The following CNOT10 variants were observed in gnomAD, a reference collection of about 807,000 sequenced individuals.
The protein encoded by CNOT10 is CCR4-NOT transcription complex, subunit 10.
In CNOT10, 30 loss-of-function variants were observed where a neutral mutation model predicts 94.6. The ratio of observed to expected loss-of-function variants is 0.32; its 90% CI spans 0.24 to 0.43. The LOEUF is 0.43. Ranked by LOEUF, CNOT10 falls within the 20% of genes least tolerant of loss-of-function variation. The pLI is 1.00. For missense variants in CNOT10, 759 were observed against 877.2 expected (o/e 0.87, Z 1.70); for synonymous variants, 289 against 301.6 (o/e 0.96, Z 0.43).
chr3:32,710,147 C>CAAAAAAAAAAAAAAAAAAAAAAAAAAA (rs68126514), intron 4 of CNOT10, among the ~76,000 whole-genome samples: 1 of 70,660 alleles, frequency 1.4e-5, no homozygotes, highest in Admixed American at 1.7e-4. Flanking sequence ...AACTTGCTCT[C>CAAAAAAAAAAAAAAAAAAAAAAAAAAA]AAAAAAAAAA....
Position 32,759,534 on chromosome 3 carries a change from A to G in CNOT10, c.1672A>G (p.Lys558Glu), listed in dbSNP as rs774930422. ...CCTCATGGCTTTGAATCATGCAGAT[A>G]AACTTCTTCAGCAGCCCAAGCTGTC... ...DNLMALNHAD[K>E]LLQQPKLSGS... The change falls in exon 14 of 19, where the codon AAA becomes GAA. Residue 558 changes from lysine (K) to glutamate (E), a missense_variant. By Grantham distance (56) the Lys-to-Glu change is moderately conservative. Coordinates refer to ENST00000328834, the MANE Select transcript of CNOT10 (RefSeq NM_015442.3). 2.5e-6 allele frequency: 4 copies of G among 1,614,030 alleles called. No homozygotes were observed. Among genetic ancestry groups the G allele is most frequent in the South Asian group, 1.1e-5 (1 of 91,070 alleles).
At chr3:32,769,061 G>T (rs902357638) in intron 17 of CNOT10, 1 of 152,190 alleles carries the variant, frequency 6.6e-6, no homozygotes, top group African/African-American at 2.4e-5. Context: ...TTATTTGCAT[G>T]CTTGTTTGTT....
chr3:32,758,042 C>A (rs77154028), intron 13 of CNOT10, among the ~76,000 whole-genome samples: 2,986 of 152,230 alleles, frequency 0.02, 50 homozygotes, highest in East Asian at 0.047. Context: ...AGAATCTTTT[C>A]TGTTGTGTTT....
chr3:32,689,364 AAAAAG>A (rs1443909334), intron 1 of CNOT10, among the ~76,000 whole-genome samples: 1 of 151,856 alleles, frequency 6.6e-6, no homozygotes, highest in Non-Finnish European at 1.5e-5. Context: ...AAAAAAAAAA[AAAAAG>A]AAAAAGAAAA....
Position 32,725,350 on chromosome 3 carries a change from T to A in CNOT10, c.863-100T>A. The stretch of plus-strand genomic sequence containing the variant: ...ACTGTTCTTTAGGGAGTAAGTGGAA[T>A]GGTAACAGTGTTAACTCGTGCAAGA... On this transcript the variant is annotated intron_variant, in intron 8 of 18. Coordinates refer to ENST00000328834, the MANE Select transcript of CNOT10 (RefSeq NM_015442.3). 4 of 863,440 alleles carry A rather than the reference T, an allele frequency of 4.6e-6. No homozygotes were observed. The East Asian group carries it at 9.7e-5, about 21-fold the overall frequency. The allele number at this position is 863,440 out of a possible 1,614,324, so 53.5% of individuals were successfully genotyped here.
chr3:32,754,514 T>C (rs1700133068), intron 13 of CNOT10, among the ~76,000 whole-genome samples: 3 of 100,522 alleles, frequency 3.0e-5, no homozygotes, highest in African/African-American at 1.4e-4. Flanking sequence ...ATATATTTAT[T>C]TTACTTTTTT....
At chr3:32,705,509 TCA>T (rs1330946993) in intron 3 of CNOT10, among the ~76,000 whole-genome samples, 4 of 152,294 alleles carry the variant, frequency 2.6e-5, no homozygotes, top group Non-Finnish European at 5.9e-5. Flanking sequence ...TGTTAAGTGT[TCA>T]CTGTGTGACA....
chr3:32,755,307 CT>C (rs1476628922), intron 13 of CNOT10, among the ~76,000 whole-genome samples: 1 of 146,398 alleles, frequency 6.8e-6, no homozygotes, highest in Admixed American at 6.8e-5. Context: ...TTTCTTTTTT[CT>C]TTTTCTTTTT....
chr3:32,727,933 T>TAA (rs60100965), intron 10 of CNOT10, 63 bp downstream of exon 10: 1,751 of 766,922 alleles, frequency 2.3e-3, no homozygotes, highest in South Asian at 4.6e-3. Flanking sequence ...ATGGAATGGT[T>TAA]AAAAAAAAAA....
At chr3:32,761,423 G>C (rs1700437784) in intron 14 of CNOT10, among the ~76,000 whole-genome samples, 1 of 152,142 alleles carries the variant, frequency 6.6e-6, no homozygotes, top group Non-Finnish European at 1.5e-5. Context: ...GACTGAGTCT[G>C]TCTGGGTCAC....
chr3:32,689,000 C>T (rs1228203747), intron 1 of CNOT10, among the ~76,000 whole-genome samples: 1 of 151,584 alleles, frequency 6.6e-6, no homozygotes, highest in Non-Finnish European at 1.5e-5. Context: ...GTCAAGAGAT[C>T]GAGACCATCC....
intron 15 of CNOT10, among the ~76,000 whole-genome samples, chr3:32,763,439 T>C (rs956132026): frequency 1.3e-5 from 2 of 151,972 alleles, no homozygotes; most frequent in Non-Finnish European, 2.9e-5. Context: ...TCACCTGAGG[T>C]CAGGAGTTCA....
chr3:32,689,602 T>C (rs1007827312), intron 1 of CNOT10, among the ~76,000 whole-genome samples: 8 of 152,140 alleles, frequency 5.3e-5, no homozygotes, highest in Admixed American at 6.5e-5. Flanking sequence ...TCCCCGAAGA[T>C]AGAGACTTTT....
At chr3:32,760,132 TCTG>T (rs1270834062) in intron 14 of CNOT10, among the ~76,000 whole-genome samples, 1 of 234 alleles carries the variant, frequency 4.3e-3, no homozygotes, top group African/African-American at 7.2e-3. Flanking sequence ...CAGTGAGATC[TCTG>T]CACCACTGCA....
chr3:32,697,753 G>A (rs1697144239), intron 1 of CNOT10, among the ~76,000 whole-genome samples: 1 of 152,234 alleles, frequency 6.6e-6, no homozygotes, highest in Non-Finnish European at 1.5e-5. Flanking sequence ...GGGATTACAG[G>A]TGTGAGCCAC....
chr3:32,739,485 T>G (rs1699352648), intron 13 of CNOT10, among the ~76,000 whole-genome samples: 1 of 152,108 alleles, frequency 6.6e-6, no homozygotes, highest in Non-Finnish European at 1.5e-5. Context: ...CCACAAACAG[T>G]TATGTTTTAT....
chr3:32,702,950 C>T (rs533455315), intron 1 of CNOT10, among the ~76,000 whole-genome samples: 24 of 148,860 alleles, frequency 1.6e-4, no homozygotes, highest in Admixed American at 8.8e-4. Context: ...CCTACTCTGT[C>T]GCCCCGGCTG....
chr3:32,760,212 A>G (rs1250563633), intron 14 of CNOT10, among the ~76,000 whole-genome samples: 1 of 152,094 alleles, frequency 6.6e-6, no homozygotes, highest in Non-Finnish European at 1.5e-5. Context: ...AATTTGAAAA[A>G]TCTTTCCAAG....
At chr3:32,748,770 C>T (rs1314103839) in intron 13 of CNOT10, among the ~76,000 whole-genome samples, 1 of 152,034 alleles carries the variant, frequency 6.6e-6, no homozygotes, top group East Asian at 1.9e-4. Flanking sequence ...CCTCTGCCTT[C>T]CGAAGTGCTG....
Sources: gnomAD v4.1 joint callset for allele counts (sites outside exome capture counted in the v4.1 genomes callset) on GRCh38, gnomAD v4.1.1 for gene constraint, MANE v1.5 for transcripts, NCBI Gene and HGNC (gene_info 2026-07-23, HGNC 2026-07-21) for gene names.